SATB2: variants seen among roughly 807,000 people sequenced by gnomAD.
SATB2 encodes DNA-binding protein SATB2.
In SATB2, 1 loss-of-function variant was observed where a neutral mutation model predicts 73.4. That is an observed-to-expected ratio of 0.01 (90% CI 0.00 to 0.06). The LOEUF is 0.06. Ranked by LOEUF, SATB2 falls within the 10% of genes least tolerant of loss-of-function variation. The probability of loss-of-function intolerance (pLI) is 1.00; values close to 1 mark genes in which losing one functional copy is unlikely to be tolerated. For synonymous variants in SATB2, 397 were observed against 367.0 expected (o/e 1.08, Z -0.93); for missense variants, 459 against 945.8 (o/e 0.49, Z 6.75).
intron 7 of SATB2, among the ~76,000 whole-genome samples, chr2:199,334,579 T>C (rs1344050060): frequency 6.6e-6 from 1 of 151,876 alleles, no homozygotes; most frequent in Admixed American, 6.6e-5. Flanking sequence ...AAAAAAAGGT[T>C]CCTTCCAAAT....
At chr2:199,275,087 C>T (rs1692271602) in intron 10 of SATB2, among the ~76,000 whole-genome samples, 1 of 152,108 alleles carries the variant, frequency 6.6e-6, no homozygotes, top group Non-Finnish European at 1.5e-5. Context: ...AATTAAAATG[C>T]CCCATTTTCT....
intron 3 of SATB2, among the ~76,000 whole-genome samples, chr2:199,417,837 G>T (rs947998416): frequency 6.6e-6 from 1 of 152,082 alleles, no homozygotes; most frequent in Non-Finnish European, 1.5e-5. Context: ...CCACAAAAAA[G>T]AAAATAACAT....
intron 10 of SATB2, among the ~76,000 whole-genome samples, chr2:199,295,264 G>C (rs1435952331): frequency 6.6e-6 from 1 of 152,048 alleles, no homozygotes; most frequent in Non-Finnish European, 1.5e-5. Context: ...AATCAGTTCT[G>C]GAAACACCTG....
upstream of SATB2, among the ~76,000 whole-genome samples, chr2:199,468,433 G>T (rs1047135211): frequency 6.6e-6 from 1 of 152,084 alleles, no homozygotes; most frequent in Non-Finnish European, 1.5e-5. Context: ...CATTAGCTCT[G>T]GGAGCACCGC....
At chr2:199,296,674 G>A (rs953516912) in intron 10 of SATB2, among the ~76,000 whole-genome samples, 41 of 151,866 alleles carry the variant, frequency 2.7e-4, no homozygotes, top group African/African-American at 8.5e-4. Context: ...ACTCCAGCCT[G>A]AGCAACCAGA....
chr2:199,464,051 G>A lies in SATB2; in HGVS notation c.-141+785C>T. Reference sequence around the variant, plus strand: ...ACTGGAGCCAGGGACGAGGGGGGCAGTGTATCCGGCGGCCCAAACTCGTAA... The same window carrying A: ...ACTGGAGCCAGGGACGAGGGGGGCAATGTATCCGGCGGCCCAAACTCGTAA... On this transcript the variant is annotated intron_variant, in intron 1 of 11. Transcript: ENST00000260926. The surrounding 1 kb of genome is among the most constrained non-coding windows in gnomAD (Gnocchi z 6.6). Among the ~76,000 whole-genome samples, 1 of 152,238 alleles carries A rather than the reference G, an allele frequency of 6.6e-6. No individual in the cohort carries two copies. Among genetic ancestry groups the A allele is most frequent in the Admixed American group, 6.5e-5 (1 of 15,290 alleles).
intron 6 of SATB2, among the ~76,000 whole-genome samples, chr2:199,366,132 G>T (rs879490748): frequency 6.6e-6 from 1 of 152,096 alleles, no homozygotes; most frequent in African/African-American, 2.4e-5. Context: ...GCATAGAAGT[G>T]CATGTAAATT....
At chr2:199,359,346 G>A (rs969942653) in intron 6 of SATB2, among the ~76,000 whole-genome samples, 5 of 152,036 alleles carry the variant, frequency 3.3e-5, no homozygotes, top group Admixed American at 6.5e-5. Flanking sequence ...TCTCTAATTC[G>A]TACTTTATAA....
chr2:199,320,427 C>T lies in SATB2; in HGVS notation c.1542+3376G>A, dbSNP rs1030559286. Among the ~76,000 whole-genome samples the T allele has an allele frequency of 2.0e-5, 3 of 152,094 alleles. No homozygotes were observed. In the East Asian group the frequency reaches 5.8e-4, roughly 29 times the overall value. ...GCGAAATGTGTATAAACATGTCTTT[C>T]CCTCTGGTCTTATCCTTCTTGGACT... On this transcript the variant is annotated intron_variant, in intron 9 of 10. Coordinates refer to ENST00000417098, the MANE Select transcript of SATB2 (RefSeq NM_001172509.2).
At chr2:199,371,788 G>A (rs1205938839) in intron 5 of SATB2, among the ~76,000 whole-genome samples, 2 of 152,066 alleles carry the variant, frequency 1.3e-5, no homozygotes, top group Admixed American at 6.5e-5. Context: ...CAACCAACTC[G>A]AGTATCTCTG....
At chr2:199,402,543 A>G (rs953522517) in intron 3 of SATB2, among the ~76,000 whole-genome samples, 3 of 152,208 alleles carry the variant, frequency 2.0e-5, no homozygotes, top group African/African-American at 7.2e-5. Flanking sequence ...AGCCTAGGCG[A>G]GAGAGCAAGA....
At chr2:199,273,580 G>GAATTTT (rs1692221779) in intron 10 of SATB2, among the ~76,000 whole-genome samples, 2 of 152,116 alleles carry the variant, frequency 1.3e-5, no homozygotes, top group Non-Finnish European at 2.9e-5. Flanking sequence ...TTTTTAGAAT[G>GAATTTT]AGAAAATATT....
chr2:199,368,841 C>A, intron 5 of SATB2, 134 bp from the exon 6 acceptor site: 2 of 602,886 alleles, frequency 3.3e-6, no homozygotes, highest in Non-Finnish European at 5.9e-6. Flanking sequence ...GTAAACTGAA[C>A]TATTAACATC....
At chr2:199,339,204 C>A (rs1162094972) in intron 7 of SATB2, among the ~76,000 whole-genome samples, 1 of 151,996 alleles carries the variant, frequency 6.6e-6, no homozygotes. Context: ...TGGCTGAGTG[C>A]CTGAAAAAGG....
At chr2:199,355,562 C>T (rs1688958073) in intron 6 of SATB2, among the ~76,000 whole-genome samples, 1 of 151,806 alleles carries the variant, frequency 6.6e-6, no homozygotes, top group Admixed American at 6.6e-5. Context: ...CCAATAATAG[C>T]AAGGTGGCAT....
At chr2:199,440,350 G>T (rs1691779779) in intron 2 of SATB2, among the ~76,000 whole-genome samples, 1 of 152,164 alleles carries the variant, frequency 6.6e-6, no homozygotes, top group Non-Finnish European at 1.5e-5. Flanking sequence ...CCCCCCAGGG[G>T]CTGATCTCAA....
At chr2:199,329,660 T>C (rs1688132859) in intron 7 of SATB2, among the ~76,000 whole-genome samples, 1 of 152,102 alleles carries the variant, frequency 6.6e-6, no homozygotes, top group African/African-American at 2.4e-5. Context: ...CGGAATGCCA[T>C]GATAGGCCCA....
At chr2:199,329,175 T>C (rs1302444226) in intron 7 of SATB2, 1 of 471,338 alleles carries the variant, frequency 2.1e-6, no homozygotes, top group African/African-American at 2.0e-5. Flanking sequence ...GCTAGCAAGG[T>C]AGGCACTTGG....
At chr2:199,324,481 CCAGA>C (rs1559161859) in intron 8 of SATB2, among the ~76,000 whole-genome samples, 3 of 151,916 alleles carry the variant, frequency 2.0e-5, no homozygotes, top group Non-Finnish European at 4.4e-5. Flanking sequence ...ATTATGCTAC[CCAGA>C]CAGTCACCTA....
Sources: gnomAD v4.1 joint callset for allele counts (sites outside exome capture counted in the v4.1 genomes callset) on GRCh38, gnomAD v4.1.1 for gene constraint, Gnocchi (gnomAD v3.1) non-coding constraint, MANE v1.5 for transcripts, NCBI Gene and HGNC (gene_info 2026-07-23, HGNC 2026-07-21) for gene names.